The following PDE3B variants were observed in gnomAD, a reference collection of about 807,000 sequenced individuals.
PDE3B encodes phosphodiesterase 3B, also known as cGMP-inhibited 3',5'-cyclic phosphodiesterase 3B.
Under a neutral mutation model 116.8 loss-of-function variants are expected in PDE3B, and 66 were observed. That is an observed-to-expected ratio of 0.56 (90% CI 0.46 to 0.69). PDE3B has a LOEUF of 0.69. Among genes scored for constraint, PDE3B ranks in the 30% least tolerant of loss-of-function variants. PDE3B has a pLI of 0.00. For missense variants in PDE3B, 1,384 were observed against 1,368.1 expected (o/e 1.01, Z -0.18); for synonymous variants, 595 against 533.6 (o/e 1.12, Z -1.59).
intron 1 of PDE3B, among the ~76,000 whole-genome samples, chr11:14,663,455 A>T (rs960715177): frequency 6.6e-6 from 1 of 152,154 alleles, no homozygotes; most frequent in African/African-American, 2.4e-5. Context: ...TTCACACATA[A>T]CAATATTAAC....
intron 1 of PDE3B, among the ~76,000 whole-genome samples, chr11:14,715,977 A>T (rs1299873817): frequency 6.6e-6 from 1 of 152,200 alleles, no homozygotes; most frequent in Non-Finnish European, 1.5e-5. Flanking sequence ...GACGCAGAAG[A>T]CAGGTGATTT....
chr11:14,644,317 C>G lies in PDE3B; in HGVS notation c.242C>G (p.Ser81Trp). 1.9e-6 allele frequency: 3 copies of G among 1,568,094 alleles called. No homozygotes were observed. The highest frequency in any genetic ancestry group is 2.6e-6 in the Non-Finnish European group (3 of 1,162,976). ...TCCCCCTTCTGCCGGGCGCGCCTCT[C>G]GCTGGGCGCCCTGGCTGCCTTTGTC... The part of the protein sequence containing the change: ...RCSPFCRARL[S>W]LGALAAFVLA... The change falls in exon 1 of 16, where the codon TCG becomes TGG. Residue 81 changes from serine to tryptophan, a missense_variant. Physicochemically the swap from Ser to Trp is radical, Grantham distance 177. Coordinates refer to ENST00000282096, the MANE Select transcript of PDE3B (RefSeq NM_000922.4).
At chr11:14,665,090 C>T (rs1417975415) in intron 1 of PDE3B, among the ~76,000 whole-genome samples, 3 of 152,204 alleles carry the variant, frequency 2.0e-5, no homozygotes, top group Non-Finnish European at 1.5e-5. Context: ...GGCTTCATCC[C>T]TGGGATGCAA....
rs7342234 is a variant in PDE3B, at chr11:14,858,196, C to T, written c.2521-847C>T. On this transcript the variant is annotated intron_variant, in intron 12 of 15. Coordinates refer to ENST00000282096, the MANE Select transcript of PDE3B (RefSeq NM_000922.4). ...CTCATTCCGTCCTTCTTTCTCATTA[C>T]ACAGTAGGCTCCATGAAAACAGGGA... Among the ~76,000 whole-genome samples the T allele has an allele frequency of 4.0e-3, 608 of 152,270 alleles. 8 individuals carry two copies. The highest frequency in any genetic ancestry group is 0.014 in the African/African-American group (592 of 41,550).
intron 2 of PDE3B, chr11:14,772,242 A>G (rs1857666577): frequency 4.8e-6 from 1 of 209,632 alleles, no homozygotes; most frequent in Non-Finnish European, 9.4e-6. Context: ...TATTGCTAAT[A>G]TAATCTGGGC....
intron 2 of PDE3B, among the ~76,000 whole-genome samples, chr11:14,778,789 C>T (rs1273248412): frequency 3.3e-5 from 5 of 152,130 alleles, no homozygotes; most frequent in Admixed American, 6.5e-5. Context: ...AGCTCCTCGC[C>T]AGCAATGGAA....
At chr11:14,882,682 G>C in the PDE3B span, among the ~76,000 whole-genome samples, 1 of 152,126 alleles carries the variant, frequency 6.6e-6, no homozygotes, top group Non-Finnish European at 1.5e-5. Context: ...GTTCTGGCCA[G>C]GGCAATTAGG....
intron 1 of PDE3B, among the ~76,000 whole-genome samples, chr11:14,731,819 T>C (rs1650264633): frequency 6.6e-6 from 1 of 152,194 alleles, no homozygotes; most frequent in South Asian, 2.1e-4. Context: ...CTGACTTAAG[T>C]GCTGGAGATA....
chr11:14,869,733 C>CGGTGAACACTAGGCAATGATT lies in PDE3B; in HGVS notation c.*73_*74insGGTGAACACTAGGCAATGATT. On this transcript the variant is annotated 3_prime_UTR_variant, in exon 16 of 16. Transcript: ENST00000282096. ...TGTGCCCAGGGGCAGAAATCATTGC[C>CGGTGAACACTAGGCAATGATT]TAGTGTTCACCGGCTGACTCTCAAC... 8.0e-7 allele frequency: 1 copy of CGGTGAACACTAGGCAATGATT among 1,242,360 alleles called. No homozygotes were observed. Among genetic ancestry groups the CGGTGAACACTAGGCAATGATT allele is most frequent in the Non-Finnish European group, 1.2e-6 (1 of 867,136 alleles). 77.0% of individuals were successfully genotyped at this position (1,242,360 alleles called of 1,614,324 possible).
the PDE3B span, chr11:14,879,364 A>G: frequency 5.0e-6 from 8 of 1,611,516 alleles, no homozygotes; most frequent in Non-Finnish European, 5.9e-6. Flanking sequence ...CTGCCTCAGT[A>G]TAAGGCATTT....
chr11:14,890,537 CTTT>C, the PDE3B span: 50 of 64,402 alleles, frequency 7.8e-4, no homozygotes, highest in Non-Finnish European at 1.3e-3. Flanking sequence ...TAGACCAATT[CTTT>C]TTTTTTTTTT....
chr11:14,721,289 G>T (rs1033371775), intron 1 of PDE3B, among the ~76,000 whole-genome samples: 1 of 152,152 alleles, frequency 6.6e-6, no homozygotes, highest in African/African-American at 2.4e-5. Flanking sequence ...TGCTGGAGAG[G>T]ATGTGGAGAA....
chr11:14,882,474 TATAC>T, the PDE3B span, among the ~76,000 whole-genome samples: 1 of 152,044 alleles, frequency 6.6e-6, no homozygotes, highest in Non-Finnish European at 1.5e-5. Context: ...ACATGGGATA[TATAC>T]ACAAGAAGGT....
In PDE3B at chr11:14,831,620, T is replaced by C; in HGVS notation, c.1957-20T>C. 6.9e-7 allele frequency: 1 copy of C among 1,455,370 alleles called. No homozygotes were observed. Among genetic ancestry groups the C allele is most frequent in the East Asian group, 2.4e-5 (1 of 41,400 alleles). 90.2% of individuals were successfully genotyped at this position (1,455,370 alleles called of 1,614,324 possible). A position where few individuals can be genotyped will look rare whatever the true frequency, so the allele number is the denominator to read the frequency against. ...ATTTATAAAAGATAAAATAAAGTTG[T>C]TGTTTCCCTGTATGTACAGATTGAA... On this transcript the variant is annotated intron_variant, in intron 8 of 15. Transcript: ENST00000282096.
At chr11:14,752,696 CA>C (rs1478730403) in intron 1 of PDE3B, among the ~76,000 whole-genome samples, 3 of 152,106 alleles carry the variant, frequency 2.0e-5, no homozygotes, top group Non-Finnish European at 4.4e-5. Context: ...TCTGAGCTGA[CA>C]TGGTCACTCC....
At chr11:14,831,528 G>C (rs1403739039) in intron 8 of PDE3B, 112 bp from the exon 9 acceptor site, 6 of 546,730 alleles carry the variant, frequency 1.1e-5, no homozygotes, top group African/African-American at 2.0e-5. Context: ...AACCATTATA[G>C]AAAATAGTAC....
intron 6 of PDE3B, 57 bp from the exon 7 acceptor site, chr11:14,819,079 C>T: frequency 1.0e-6 from 1 of 982,048 alleles, no homozygotes. Context: ...TAATTGTGTT[C>T]AGGTAAAAAA....
At chr11:14,716,202 C>T (rs1239191747) in intron 1 of PDE3B, among the ~76,000 whole-genome samples, 4 of 152,238 alleles carry the variant, frequency 2.6e-5, no homozygotes, top group Non-Finnish European at 5.9e-5. Context: ...GAATACTGCG[C>T]TTTTCAGACC....
At chr11:14,662,398 C>T (rs935167697) in intron 1 of PDE3B, among the ~76,000 whole-genome samples, 12 of 152,170 alleles carry the variant, frequency 7.9e-5, no homozygotes, top group African/African-American at 7.2e-5. Context: ...AAAAGCAGAA[C>T]GCCTCTCCTC....
Sources: gnomAD v4.1 joint callset for allele counts (sites outside exome capture counted in the v4.1 genomes callset) on GRCh38, gnomAD v4.1.1 for gene constraint, MANE v1.5 for transcripts, NCBI Gene and HGNC (gene_info 2026-07-23, HGNC 2026-07-21) for gene names.